Variants in TMEM38A observed in about 807,000 individuals in gnomAD.
TMEM38A encodes transmembrane protein 38A.
Under a neutral mutation model 28.6 loss-of-function variants are expected in TMEM38A, and 17 were observed. The ratio of observed to expected loss-of-function variants is 0.60; its 90% CI spans 0.41 to 0.89. TMEM38A has a LOEUF of 0.89. TMEM38A is among the 40% of genes least tolerant of loss of function. TMEM38A has a pLI of 0.00. For synonymous variants in TMEM38A, 169 were observed against 166.1 expected, an observed-to-expected ratio of 1.02 and a Z score of -0.14; for missense variants, 328 against 393.1, an observed-to-expected ratio of 0.83 and a Z score of 1.40.
rs2086745276 is a variant in TMEM38A, at chr19:16,675,259, A to G, written c.125-4725A>G. 3.3e-5 allele frequency among the ~76,000 whole-genome samples: 5 copies of G among 152,068 alleles called. No homozygotes were observed. In the South Asian group the frequency reaches 1.0e-3, roughly 32 times the overall value. ...CTTATTTGTTTATTTATTGAGATAG[A>G]GTCTTGCTCTGTCACCCAGGCTGGA... On this transcript the variant is annotated intron_variant, in intron 1 of 5. Coordinates refer to ENST00000187762, the MANE Select transcript of TMEM38A (RefSeq NM_024074.4).
chr19:16,669,292 C>T (rs1243909959), intron 1 of TMEM38A, among the ~76,000 whole-genome samples: 5 of 150,440 alleles, frequency 3.3e-5, no homozygotes, highest in South Asian at 4.2e-4. Flanking sequence ...CTGCAACCTC[C>T]GGCTCACTGG....
intron 1 of TMEM38A, among the ~76,000 whole-genome samples, chr19:16,668,082 G>A (rs1194058530): frequency 6.6e-6 from 1 of 151,812 alleles, no homozygotes; most frequent in Non-Finnish European, 1.5e-5. Flanking sequence ...GATGGCGGGC[G>A]CCTGTAGTCC....
At chr19:16,676,693 A>G (rs893414435) in intron 1 of TMEM38A, among the ~76,000 whole-genome samples, 1 of 152,012 alleles carries the variant, frequency 6.6e-6, no homozygotes, top group African/African-American at 2.4e-5. Flanking sequence ...TGAGTAATAC[A>G]AGATGCAAGG....
chr19:16,669,066 G>A (rs1329246981), intron 1 of TMEM38A, among the ~76,000 whole-genome samples: 2 of 151,898 alleles, frequency 1.3e-5, no homozygotes, highest in Non-Finnish European at 2.9e-5. Flanking sequence ...CCGACCTCAG[G>A]TGATCTGCCC....
At position 16,688,357 on chromosome 19, in the gene TMEM38A, A is replaced by G; in HGVS notation, c.886A>G (p.Lys296Glu). 1 of 1,589,332 alleles carries G rather than the reference A, an allele frequency of 6.3e-7. No homozygotes were observed. The highest frequency in any genetic ancestry group is 8.5e-7 in the Non-Finnish European group (1 of 1,169,952). The change falls in exon 6 of 6, where the codon AAG (lysine) becomes GAG (glutamate). Residue 296 changes from lysine (K) to glutamate (E), a missense_variant. Transcript: ENST00000187762. ...CGAGGGCTCCAGGAAGAAGAAGGCC[A>G]AGAAGGCGGATTAGGGGGTGGCCCA... ...LSEGSRKKKA[K>E]KAD
intron 1 of TMEM38A, among the ~76,000 whole-genome samples, chr19:16,668,742 C>G (rs1471281366): frequency 3.3e-5 from 5 of 152,054 alleles, no homozygotes; most frequent in Non-Finnish European, 7.4e-5. Flanking sequence ...TGGCTTCTTT[C>G]ACTTAGGAAT....
At chr19:16,686,064 G>A (rs1389861326) in intron 4 of TMEM38A, among the ~76,000 whole-genome samples, 9 of 152,210 alleles carry the variant, frequency 5.9e-5, no homozygotes, top group African/African-American at 1.9e-4. Context: ...TTGGGAGGCT[G>A]AGGTGGGAGA....
intron 1 of TMEM38A, among the ~76,000 whole-genome samples, chr19:16,668,962 A>G (rs919009502): frequency 6.6e-6 from 1 of 151,484 alleles, no homozygotes; most frequent in African/African-American, 2.4e-5. Context: ...CTAAGCAGCT[A>G]GGATTACAAG....
intron 1 of TMEM38A, among the ~76,000 whole-genome samples, chr19:16,672,698 C>T (rs1049695996): frequency 6.6e-6 from 1 of 152,096 alleles, no homozygotes; most frequent in African/African-American, 2.4e-5. Context: ...GATCCACCTG[C>T]CTTGGCCTCC....
chr19:16,670,799 C>T (rs1298150164), intron 1 of TMEM38A, among the ~76,000 whole-genome samples: 1 of 152,028 alleles, frequency 6.6e-6, no homozygotes, highest in Admixed American at 6.6e-5. Context: ...GTTAGCCGGG[C>T]CTGGTGGCGG....
At chr19:16,662,462 G>GT (rs1363402402) in intron 1 of TMEM38A, among the ~76,000 whole-genome samples, 1,298 of 101,338 alleles carry the variant, frequency 0.013, 20 homozygotes, top group African/African-American at 0.042. Flanking sequence ...TTTTTTTGCG[G>GT]TTTTTTTTTT....
In TMEM38A at chr19:16,676,142, C is replaced by T. The variant is rs182956312; in HGVS notation, c.125-3842C>T. On this transcript the variant is annotated intron_variant, in intron 1 of 5. Coordinates refer to ENST00000187762, the MANE Select transcript of TMEM38A (RefSeq NM_024074.4). Reference sequence around the variant, plus strand: ...TTGTGAGGCCGAGGCAGGCGGATCACGAGGTCAGGAGATTGAGACCATCTT... The same window carrying T: ...TTGTGAGGCCGAGGCAGGCGGATCATGAGGTCAGGAGATTGAGACCATCTT... Among the ~76,000 whole-genome samples the T allele has an allele frequency of 7.0e-3, 1,044 of 149,528 alleles. 160 individuals carry two copies. Among genetic ancestry groups the T allele is most frequent in the African/African-American group, 0.025 (983 of 38,908 alleles).
intron 1 of TMEM38A, among the ~76,000 whole-genome samples, chr19:16,669,356 G>A (rs779160274): frequency 1.3e-5 from 2 of 151,132 alleles, no homozygotes; most frequent in African/African-American, 2.4e-5. Flanking sequence ...ACAGGTGCCC[G>A]CCACCATGCC....
chr19:16,671,200 G>GTTTTTTTTTT (rs1568313636), intron 1 of TMEM38A, among the ~76,000 whole-genome samples: 5 of 112,900 alleles, frequency 4.4e-5, no homozygotes, highest in African/African-American at 2.6e-4. Context: ...AAGGACCTGG[G>GTTTTTTTTTT]CTTTTTTTTT....
At chr19:16,682,323 A>G in intron 3 of TMEM38A, 98 bp from the exon 4 acceptor site, 1 of 931,772 alleles carries the variant, frequency 1.1e-6, no homozygotes, top group Non-Finnish European at 1.7e-6. Context: ...CTTCTAGAGA[A>G]GATTCTGGGA....
chr19:16,675,737 C>T (rs1361624324), intron 1 of TMEM38A, among the ~76,000 whole-genome samples: 2 of 151,586 alleles, frequency 1.3e-5, no homozygotes, highest in Admixed American at 6.6e-5. Flanking sequence ...CTAGTAGAGA[C>T]AGGGTTTCAC....
chr19:16,688,077 A>G (rs1176676378), intron 5 of TMEM38A, 67 bp from the exon 6 acceptor site: 2 of 1,157,424 alleles, frequency 1.7e-6, no homozygotes, highest in Non-Finnish European at 2.3e-6. Flanking sequence ...CCTGCCCTCC[A>G]CTCCTTTGCT....
rs375959243 is a variant in TMEM38A, at chr19:16,661,348, C to G, written c.124+7C>G. ...TACCTCAAGTATGAGCCAGGTGAGC[C>G]GGGGCGGGGGGCTGGAGGGGACCGG... On this transcript the variant is annotated splice_region_variant and intron_variant, in intron 1 of 5. Coordinates refer to ENST00000187762, the MANE Select transcript of TMEM38A (RefSeq NM_024074.4). The surrounding 1 kb of genome is among the most constrained non-coding windows in gnomAD (Gnocchi z 6.5). 34 of 1,530,448 alleles carry G rather than the reference C, an allele frequency of 2.2e-5. No individual in the cohort carries two copies. Among genetic ancestry groups the G allele is most frequent in the Non-Finnish European group, 2.9e-5 (33 of 1,132,700 alleles). 94.8% of individuals were successfully genotyped at this position (1,530,448 alleles called of 1,614,324 possible). A position where few individuals can be genotyped will look rare whatever the true frequency, so the allele number is the denominator to read the frequency against.
intron 1 of TMEM38A, among the ~76,000 whole-genome samples, chr19:16,671,201 C>CTGTTTTTTTTTT (rs2086725874): frequency 1.2e-5 from 1 of 84,848 alleles, no homozygotes; most frequent in African/African-American, 6.6e-5. Flanking sequence ...AGGACCTGGG[C>CTGTTTTTTTTTT]TTTTTTTTTT....
Sources: allele counts gnomAD v4.1 joint callset (sites outside exome capture counted in the v4.1 genomes callset), GRCh38; gene constraint gnomAD v4.1.1; non-coding constraint Gnocchi (gnomAD v3.1); transcripts MANE v1.5; gene names NCBI Gene and HGNC (gene_info 2026-07-23, HGNC 2026-07-21).